Variants in ANKRD36C observed in about 807,000 individuals in gnomAD.
The protein encoded by ANKRD36C is ankyrin repeat domain-containing protein 36C.
ANKRD36C carries 61 observed loss-of-function variants against 276.4 expected under a neutral mutation model. The observed-to-expected ratio is 0.22, with a 90% CI of 0.18 to 0.27. The LOEUF (loss-of-function observed/expected upper bound fraction) is 0.27, where lower values mean the gene tolerates loss of function less well. ANKRD36C is among the 10% of genes least tolerant of loss of function. The probability of loss-of-function intolerance (pLI) is 1.00; values close to 1 mark genes in which losing one functional copy is unlikely to be tolerated. For missense variants in ANKRD36C, 1,447 were observed against 2,032.3 expected, an observed-to-expected ratio of 0.71 and a Z score of 5.54; for synonymous variants, 483 against 680.1, an observed-to-expected ratio of 0.71 and a Z score of 4.51.
intron 54 of ANKRD36C, among the ~76,000 whole-genome samples, chr2:95,883,822 T>G (rs1280270306): frequency 6.6e-6 from 1 of 152,028 alleles, no homozygotes; most frequent in Non-Finnish European, 1.5e-5. Flanking sequence ...AGGAACACGA[T>G]GTAATGTCTG....
intron 34 of ANKRD36C, among the ~76,000 whole-genome samples, chr2:95,918,682 C>G (rs974450193): frequency 2.7e-4 from 41 of 151,652 alleles, no homozygotes; most frequent in African/African-American, 9.4e-4. Context: ...CCCTCCAAAA[C>G]TTTCTTCGTC....
intron 3 of ANKRD36C, among the ~76,000 whole-genome samples, chr2:95,984,787 T>TG (rs1311420024): frequency 6.6e-6 from 1 of 152,186 alleles, no homozygotes; most frequent in Non-Finnish European, 1.5e-5. Context: ...GTTTCTATAT[T>TG]GTAACCTCAT....
intron 42 of ANKRD36C, chr2:95,910,397 T>C (rs556478611): frequency 6.5e-7 from 1 of 1,548,422 alleles, no homozygotes; most frequent in African/African-American, 1.4e-5. Flanking sequence ...TCTCCATCCT[T>C]TTCTTCTCTG....
intron 13 of ANKRD36C, among the ~76,000 whole-genome samples, 178 bp downstream of exon 13, chr2:95,956,608 T>C (rs1483944620): frequency 5.3e-5 from 8 of 150,214 alleles, no homozygotes; most frequent in East Asian, 2.0e-4. Flanking sequence ...GCCTAATTAG[T>C]AAAAAAGCAA....
At chr2:95,981,094 T>A (rs1403576784) in intron 4 of ANKRD36C, among the ~76,000 whole-genome samples, 1 of 151,974 alleles carries the variant, frequency 6.6e-6, no homozygotes, top group Non-Finnish European at 1.5e-5. Context: ...TGAAAAATTA[T>A]TCATTTCTTC....
intron 6 of ANKRD36C, among the ~76,000 whole-genome samples, chr2:95,964,007 ATATATATGTGTG>A (rs1156414414): frequency 0.19 from 5,259 of 27,082 alleles, 265 homozygotes; most frequent in South Asian, 0.28. Flanking sequence ...ATATATATAT[ATATATATGTGTG>A]TGTGTGTCAT....
intron 42 of ANKRD36C, among the ~76,000 whole-genome samples, chr2:95,911,206 A>G (rs747062288): frequency 8.6e-5 from 13 of 151,458 alleles, no homozygotes; most frequent in Admixed American, 4.6e-4. Context: ...TAGCCTCCCA[A>G]ACGTTTCTTC....
At chr2:95,864,641 A>C (rs188752750) in intron 60 of ANKRD36C, among the ~76,000 whole-genome samples, 3 of 152,116 alleles carry the variant, frequency 2.0e-5, no homozygotes, top group African/African-American at 4.8e-5. Flanking sequence ...CATGACCATA[A>C]AATAGGTATG....
rs750317152 is a variant in ANKRD36C, at chr2:95,887,913, T to C, written c.3061+12A>G. 2.5e-6 allele frequency: 4 copies of C among 1,576,410 alleles called. No homozygotes were observed. The East Asian group carries it at 6.9e-5, about 27-fold the overall frequency. ...GACTGAACATGACATTAAATGTGTT[T>C]TGTGAAATTACCTGTTCCAGATTGT... On this transcript the variant is annotated intron_variant, in intron 50 of 66. Coordinates refer to ENST00000456556, the Ensembl canonical transcript of ANKRD36C.
intron 7 of ANKRD36C, 41 bp downstream of exon 7, chr2:95,962,478 A>G (rs1354452340): frequency 6.3e-7 from 1 of 1,594,986 alleles, no homozygotes; most frequent in South Asian, 1.1e-5. Context: ...TTCACAGACT[A>G]TATAGTTAAT....
chr2:95,939,858 T>C, intron 20 of ANKRD36C, among the ~76,000 whole-genome samples: 1 of 152,294 alleles, frequency 6.6e-6, no homozygotes, highest in Non-Finnish European at 1.5e-5. Context: ...TTTCAGCTTC[T>C]GGATTCTCAA....
chr2:95,985,724 T>C (rs1431450268), intron 3 of ANKRD36C, among the ~76,000 whole-genome samples: 1 of 152,226 alleles, frequency 6.6e-6, no homozygotes, highest in African/African-American at 2.4e-5. Flanking sequence ...GCAAATTCCC[T>C]TTATCGTTTG....
intron 36 of ANKRD36C, among the ~76,000 whole-genome samples, chr2:95,917,190 A>G (rs560650418): frequency 5.3e-5 from 8 of 151,698 alleles, no homozygotes; most frequent in Admixed American, 2.6e-4. Flanking sequence ...TAACAAAAAG[A>G]AGTAATGAGT....
chr2:95,860,129 A>G, intron 60 of ANKRD36C, 55 bp from the exon 81 acceptor site: 2 of 1,178,000 alleles, frequency 1.7e-6, no homozygotes, highest in South Asian at 1.3e-5. Flanking sequence ...ATTTTTGGAT[A>G]TAAAGGACTG....
At chr2:95,917,092 T>G (rs1412155793) in intron 36 of ANKRD36C, among the ~76,000 whole-genome samples, 7 of 151,498 alleles carry the variant, frequency 4.6e-5, no homozygotes, top group Non-Finnish European at 1.0e-4. Context: ...CGTAGCTCCT[T>G]GAACAAGGAA....
intron 17 of ANKRD36C, 78 bp downstream of exon 17, chr2:95,948,452 T>C (rs1161949613): frequency 1.5e-5 from 21 of 1,414,696 alleles, no homozygotes; most frequent in South Asian, 4.1e-5. Flanking sequence ...AGGTAGACAA[T>C]TGCTAAGTTT....
At chr2:95,907,573 G>C (rs1044316727) in intron 42 of ANKRD36C, 2 of 146,152 alleles carry the variant, frequency 1.4e-5, no homozygotes, top group African/African-American at 2.6e-5. Flanking sequence ...ACAAGCATTA[G>C]ATATTAATCA....
chr2:95,966,638 C>T (rs1678597512), intron 6 of ANKRD36C, among the ~76,000 whole-genome samples: 1 of 152,072 alleles, frequency 6.6e-6, no homozygotes, highest in African/African-American at 2.4e-5. Context: ...ATTGTCTTGG[C>T]TATATGGGCT....
At chr2:95,977,700 C>CA (rs1678842326) in intron 6 of ANKRD36C, among the ~76,000 whole-genome samples, 1 of 152,036 alleles carries the variant, frequency 6.6e-6, no homozygotes, top group Non-Finnish European at 1.5e-5. Context: ...GGATTGGCAG[C>CA]ACTAAATCCC....
Sources: gnomAD v4.1 joint callset for allele counts (sites outside exome capture counted in the v4.1 genomes callset) on GRCh38, gnomAD v4.1.1 for gene constraint, MANE v1.5 for transcripts, NCBI Gene and HGNC (gene_info 2026-07-23, HGNC 2026-07-21) for gene names.